TRIM39: variants seen among roughly 807,000 people sequenced by gnomAD.
TRIM39 encodes the protein tripartite motif containing 39.
In TRIM39, 5 loss-of-function variants were observed where a neutral mutation model predicts 53.6. The ratio of observed to expected loss-of-function variants is 0.09; its 90% CI spans 0.05 to 0.20. The LOEUF (loss-of-function observed/expected upper bound fraction) is 0.20, where lower values mean the gene tolerates loss of function less well. TRIM39 is among the 10% of genes least tolerant of loss of function. The pLI is 1.00. For missense variants in TRIM39, 310 were observed against 621.0 expected (o/e 0.50, Z 5.32); for synonymous variants, 196 against 237.6 (o/e 0.82, Z 1.61).
exon 3 of TRIM39, chr6:30,329,699 A>G: frequency 6.2e-7 from 1 of 1,613,030 alleles, no homozygotes. Context: ...TGTATGCTTG[A>G]TATGTGCAAT....
Position 30,340,635 on chromosome 6 carries a change from A to G in TRIM39, c.919+15A>G. ...ACAGCTAATTGGTGAGTTGTTCCCA[A>G]AAGGAAACTAGAAGAAACCACTAGA... On this transcript the variant is annotated intron_variant, in intron 7 of 7. Coordinates refer to ENST00000396551, the Ensembl canonical transcript of TRIM39. 6.2e-7 allele frequency: 1 copy of G among 1,604,980 alleles called. No homozygotes were observed. Among genetic ancestry groups the G allele is most frequent in the Non-Finnish European group, 8.5e-7 (1 of 1,177,722 alleles).
In TRIM39 at chr6:30,338,770, A is replaced by G. The variant is rs532473877; in HGVS notation, c.781-1138A>G. ...CATACAATGTCAACAAAACACAATA[A>G]AGCGAGGTGCAATAAAATGAGGTAT... is the stretch of plus-strand genomic sequence containing the variant. On this transcript the variant is annotated intron_variant, in intron 5 of 7. Transcript: ENST00000396551. The surrounding 1 kb of genome is among the most constrained non-coding windows in gnomAD (Gnocchi z 4.0). Among the ~76,000 whole-genome samples, 1 of 152,144 alleles carries G rather than the reference A, an allele frequency of 6.6e-6. No individual in the cohort carries two copies. The highest frequency in any genetic ancestry group is 1.9e-4 in the East Asian group (1 of 5,182).
At chr6:30,336,259 A>G in intron 5 of TRIM39, 1 of 664,980 alleles carries the variant, frequency 1.5e-6, no homozygotes. Context: ...GAGTTAGTGA[A>G]AAACTATGCA....
intron 7 of TRIM39, chr6:30,341,501 T>C (rs186364219): frequency 1.2e-4 from 98 of 794,976 alleles, no homozygotes; most frequent in African/African-American, 8.2e-4. Flanking sequence ...AAGAGATTAT[T>C]ATCTGTTTAC....
intron 6 of TRIM39, 83 bp from the exon 7 acceptor site, chr6:30,340,422 A>C: frequency 6.2e-7 from 1 of 1,610,200 alleles, no homozygotes; most frequent in Non-Finnish European, 8.5e-7. Context: ...TTCTCCCTAA[A>C]AATGTTAACA....
Position 30,342,577 on chromosome 6 carries a change from A to T in TRIM39, c.*318A>T, listed in dbSNP as rs1039503400. On this transcript the variant is annotated 3_prime_UTR_variant, in exon 8 of 8. Transcript: ENST00000396551. The surrounding 1 kb of genome is among the most constrained non-coding windows in gnomAD (Gnocchi z 4.7). ...AGGAGAGGCTTTTCCAGAAACAAAA[A>T]ATCTGTGAGGGTCTGACTTGCTCAA... The T allele has an allele frequency of 2.2e-6, 1 of 463,058 alleles. No homozygotes were observed. Among genetic ancestry groups the T allele is most frequent in the Non-Finnish European group, 3.9e-6 (1 of 258,788 alleles). 28.7% of individuals were successfully genotyped at this position (463,058 alleles called of 1,614,324 possible). A position where few individuals can be genotyped will look rare whatever the true frequency, so the allele number is the denominator to read the frequency against.
chr6:30,335,993 G>T lies in TRIM39; in HGVS notation c.780+18G>T. ...TGCTTAAGGTTCGACCTTTGCCCCT[G>T]CATAGCCCCTCAGGCTGAGTGCAGC... On this transcript the variant is annotated intron_variant, in intron 5 of 7. Transcript: ENST00000396551. This position sits in a 1 kb window ranked among gnomAD's most constrained non-coding sequence, Gnocchi z 4.7. The T allele has an allele frequency of 6.2e-7, 1 of 1,612,658 alleles. No individual in the cohort carries two copies. The highest frequency in any genetic ancestry group is 8.5e-7 in the Non-Finnish European group (1 of 1,179,894).
chr6:30,340,313 G>T, intron 6 of TRIM39, 192 bp from the exon 7 acceptor site: 1 of 1,613,046 alleles, frequency 6.2e-7, no homozygotes, highest in Non-Finnish European at 8.5e-7. Context: ...TCAACGATCT[G>T]TCCACGGGAT....
rs1316300038 is a variant in TRIM39 at position 30,339,436 on chromosome 6, A to C, written c.781-472A>C. On this transcript the variant is annotated intron_variant, in intron 5 of 7. Coordinates refer to ENST00000396551, the Ensembl canonical transcript of TRIM39. The surrounding 1 kb of genome is among the most constrained non-coding windows in gnomAD (Gnocchi z 4.2). ...AGCGCTCAGATTACAGGCGTGAGCT[A>C]CTGTGCCCAGCCAGTTATTGATGTT... Among the ~76,000 whole-genome samples, 1 of 152,198 alleles carries C rather than the reference A, an allele frequency of 6.6e-6. No individual in the cohort carries two copies. The highest frequency in any genetic ancestry group is 1.5e-5 in the Non-Finnish European group (1 of 68,042).
exon 7 of TRIM39, chr6:30,340,570 A>G (rs151317560): frequency 7.4e-5 from 120 of 1,613,078 alleles, no homozygotes; most frequent in Non-Finnish European, 8.6e-5. Flanking sequence ...AACTTCAGCA[A>G]TTTTCCCCGA....
rs1787083506 is a variant in TRIM39 at position 30,338,113 on chromosome 6, A to G, written c.781-1795A>G. Reference sequence around the variant, plus strand: ...TGGCTTAAGGGAATCATGTGATCTTATATCCAGATCACTAAAATTTTCTCC... The same window carrying G: ...TGGCTTAAGGGAATCATGTGATCTTGTATCCAGATCACTAAAATTTTCTCC... On this transcript the variant is annotated intron_variant, in intron 5 of 7. Transcript: ENST00000396551. This position sits in a 1 kb window ranked among gnomAD's most constrained non-coding sequence, Gnocchi z 4.0. Among the ~76,000 whole-genome samples the G allele has an allele frequency of 6.6e-6, 1 of 152,236 alleles. No individual in the cohort carries two copies. The highest frequency in any genetic ancestry group is 6.5e-5 in the Admixed American group (1 of 15,282).
In TRIM39 at chr6:30,342,953, G is replaced by A. The variant is rs1787716910; in HGVS notation, c.*694G>A. ...AGAAGGAGAGGCTGAAAAGAAAGCA[G>A]AGGAGAACCCAGGTCCCTGCCTCAG... On this transcript the variant is annotated 3_prime_UTR_variant, in exon 8 of 8. Transcript: ENST00000396551. The surrounding 1 kb of genome is among the most constrained non-coding windows in gnomAD (Gnocchi z 4.7). 1 of 152,896 alleles carries A rather than the reference G, an allele frequency of 6.5e-6. No homozygotes were observed. The highest frequency in any genetic ancestry group is 6.5e-5 in the Admixed American group (1 of 15,278). The allele number at this position is 152,896 out of a possible 1,614,324, so 9.5% of individuals were successfully genotyped here.
At chr6:30,329,231 G>A (rs1344524739) in intron 2 of TRIM39, 80 bp from the exon 3 acceptor site, 3 of 1,451,024 alleles carry the variant, frequency 2.1e-6, no homozygotes, top group African/African-American at 2.9e-5. Flanking sequence ...TAAATGTCGG[G>A]TCAGGGATGC....
At position 30,339,909 on chromosome 6, in the gene TRIM39, A is replaced by T; in HGVS notation, c.782A>T (p.Asp261Val). The change falls in exon 6 of 8, where the codon GAT becomes GTT. Residue 261 changes from aspartate to valine, a missense_variant and splice_region_variant. Transcript: ENST00000396551. This position sits in a 1 kb window ranked among gnomAD's most constrained non-coding sequence, Gnocchi z 4.2. Reference sequence around the variant, plus strand: ...GCTTTCTTTTCTCCTTCCTTCTAGGATGTCAAAAGTACCCTGGAAAAGTAA... The same window carrying T: ...GCTTTCTTTTCTCCTTCCTTCTAGGTTGTCAAAAGTACCCTGGAAAAGTAA... 1 of 1,614,114 alleles carries T rather than the reference A, an allele frequency of 6.2e-7. No individual in the cohort carries two copies. The highest frequency in any genetic ancestry group is 8.5e-7 in the Non-Finnish European group (1 of 1,180,012).
chr6:30,340,202 C>A, intron 6 of TRIM39: 1 of 1,384,882 alleles, frequency 7.2e-7, no homozygotes, highest in Non-Finnish European at 1.0e-6. Context: ...GGAATTGTGT[C>A]CAAACAAGAT....
rs1165061348 is a variant in TRIM39, at chr6:30,342,412, G to A, written c.*153G>A. 1 of 763,600 alleles carries A rather than the reference G, an allele frequency of 1.3e-6. No individual in the cohort carries two copies. Among genetic ancestry groups the A allele is most frequent in the Non-Finnish European group, 2.1e-6 (1 of 475,046 alleles). 47.3% of individuals were successfully genotyped at this position (763,600 alleles called of 1,614,324 possible). The stretch of plus-strand genomic sequence containing the variant: ...GGTTTCTAGGATGGTTTTGTGTGGA[G>A]GGGGAGGTAGGACTGGGCTGGATGA... On this transcript the variant is annotated 3_prime_UTR_variant, in exon 8 of 8. Transcript: ENST00000396551. The surrounding 1 kb of genome is among the most constrained non-coding windows in gnomAD (Gnocchi z 4.7).
intron 7 of TRIM39, among the ~76,000 whole-genome samples, chr6:30,341,132 T>C (rs985915265): frequency 6.7e-6 from 1 of 149,694 alleles, no homozygotes; most frequent in African/African-American, 2.5e-5. Flanking sequence ...TGCTTGAACC[T>C]GGGAAGCGGA....
intron 5 of TRIM39, among the ~76,000 whole-genome samples, chr6:30,336,569 C>T (rs551950968): frequency 3.3e-5 from 5 of 152,280 alleles, no homozygotes; most frequent in African/African-American, 4.8e-5. Flanking sequence ...AATAAGACAA[C>T]GACGAAGTTT....
At chr6:30,332,286 T>C (rs191503028) in intron 4 of TRIM39, among the ~76,000 whole-genome samples, 1 of 152,322 alleles carries the variant, frequency 6.6e-6, no homozygotes, top group Non-Finnish European at 1.5e-5. Context: ...GTTCCTGCCC[T>C]CCTTGAGCTT....
Sources: gnomAD v4.1 joint callset for allele counts (sites outside exome capture counted in the v4.1 genomes callset) on GRCh38, gnomAD v4.1.1 for gene constraint, Gnocchi (gnomAD v3.1) non-coding constraint, MANE v1.5 for transcripts, NCBI Gene and HGNC (gene_info 2026-07-23, HGNC 2026-07-21) for gene names.